Variants in FAM20C observed in about 807,000 individuals in gnomAD.
FAM20C encodes the protein FAM20C golgi associated secretory pathway kinase.
A neutral mutation model predicts 51.5 loss-of-function variants in FAM20C; 40 were observed. The ratio of observed to expected loss-of-function variants is 0.78; its 90% CI spans 0.60 to 1.01. FAM20C has a LOEUF of 1.01. Among genes scored for constraint, FAM20C ranks in the 50% least tolerant of loss-of-function variants. The pLI, the probability that FAM20C is intolerant of heterozygous loss-of-function variation, is 0.00. For synonymous variants in FAM20C, 406 were observed against 380.6 expected (o/e 1.07, Z -0.78); for missense variants, 861 against 844.7 (o/e 1.02, Z -0.24).
intron 3 of FAM20C, among the ~76,000 whole-genome samples, chr7:210,279 A>G (rs569261152): frequency 2.6e-5 from 4 of 151,852 alleles, no homozygotes; most frequent in Non-Finnish European, 5.9e-5. Flanking sequence ...TGGATGTGAA[A>G]CTCAGCCTCC....
intron 5 of FAM20C, among the ~76,000 whole-genome samples, chr7:255,245 C>T (rs1788545665): frequency 6.6e-6 from 1 of 152,186 alleles, no homozygotes. Flanking sequence ...TCCCAGCCGG[C>T]AGCTGCTCTT....
chr7:194,561 T>A lies in FAM20C; in HGVS notation c.605+757T>A, dbSNP rs1583271651. On this transcript the variant is annotated intron_variant, in intron 1 of 9. Transcript: ENST00000313766. The stretch of plus-strand genomic sequence containing the variant: ...AGGGGGAGACCAGCCTTCCAAAAGA[T>A]CTGGTTGAAAGTCCCTTCTTCCCTG... Among the ~76,000 whole-genome samples, 3 of 152,234 alleles carry A rather than the reference T, an allele frequency of 2.0e-5. 1 individual carries two copies. Among genetic ancestry groups the A allele is most frequent in the Admixed American group, 6.5e-5 (1 of 15,292 alleles).
intron 3 of FAM20C, among the ~76,000 whole-genome samples, chr7:214,120 G>A (rs1376343589): frequency 1.3e-5 from 2 of 152,196 alleles, no homozygotes; most frequent in Non-Finnish European, 2.9e-5. Context: ...GAGGTTGGGA[G>A]TTCAAGACCA....
At chr7:228,413 G>A (rs1787525286) in intron 3 of FAM20C, 2 of 455,232 alleles carry the variant, frequency 4.4e-6, no homozygotes, top group Non-Finnish European at 8.8e-6. Context: ...CCTCTGCTGG[G>A]TTGAGGAGAC....
At chr7:194,779 A>C (rs537008474) in intron 1 of FAM20C, among the ~76,000 whole-genome samples, 17,233 of 65,502 alleles carry the variant, frequency 0.26, 1,210 homozygotes, top group South Asian at 0.41. Flanking sequence ...CTAGCCCCCC[A>C]CCCCGCCCCC....
intron 5 of FAM20C, among the ~76,000 whole-genome samples, chr7:249,767 C>A (rs999616691): frequency 3.3e-5 from 5 of 152,170 alleles, no homozygotes. Flanking sequence ...AAGAAACTGG[C>A]ATTTGTGGCT....
intron 2 of FAM20C, among the ~76,000 whole-genome samples, chr7:198,231 C>T (rs1430417231): frequency 1.3e-5 from 2 of 152,190 alleles, no homozygotes; most frequent in Admixed American, 6.5e-5. Flanking sequence ...AGCCGCATCA[C>T]CCAGGCAGGA....
intron 2 of FAM20C, among the ~76,000 whole-genome samples, chr7:196,692 C>T (rs1476554097): frequency 6.6e-6 from 1 of 152,170 alleles, no homozygotes; most frequent in Non-Finnish European, 1.5e-5. Flanking sequence ...GGGTTCTGTC[C>T]AGTTGCTGAC....
At chr7:204,313 A>G (rs1227695145) in intron 2 of FAM20C, among the ~76,000 whole-genome samples, 2 of 152,174 alleles carry the variant, frequency 1.3e-5, no homozygotes, top group Non-Finnish European at 2.9e-5. Flanking sequence ...GGTTCTGTGC[A>G]GTGTTTTGGA....
rs1418257977 is a variant in FAM20C, at chr7:224,090, C to A, written c.863+15114C>A. ...GCACCGTCACAGGGTCGCACGGCGG[C>A]TGTCCCCTGAGCCTTCTCTCACAGA... On this transcript the variant is annotated intron_variant, in intron 3 of 9. Coordinates refer to ENST00000313766, the MANE Select transcript of FAM20C (RefSeq NM_020223.4). 3.4e-5 allele frequency among the ~76,000 whole-genome samples: 5 copies of A among 147,494 alleles called. No individual in the cohort carries two copies. The East Asian group carries it at 1.0e-3, about 30-fold the overall frequency.
intron 5 of FAM20C, among the ~76,000 whole-genome samples, chr7:252,453 G>A (rs1788438101): frequency 6.6e-6 from 1 of 151,284 alleles, no homozygotes; most frequent in African/African-American, 2.4e-5. Flanking sequence ...CACATTGGAG[G>A]GCTGAGCCCA....
intron 6 of FAM20C, 143 bp downstream of exon 6, chr7:256,172 G>A: frequency 9.4e-7 from 1 of 1,067,668 alleles, no homozygotes; most frequent in Non-Finnish European, 1.3e-6. Context: ...TGTGTGAGAT[G>A]ACCGCTTCCT....
chr7:193,459 C>T lies in FAM20C; in HGVS notation c.260C>T (p.Thr87Met). ...AGDAGWPNKH[T>M]LRILQDFSSD... ...GACGCGGGCTGGCCCAACAAGCACA[C>T]GCTCCGCATCCTGCAGGACTTCAGC... Residue 87 changes from threonine to methionine, a missense_variant, in exon 1 of 10, where the codon ACG (threonine) becomes ATG (methionine). Transcript: ENST00000313766. The T allele has an allele frequency of 1.4e-6, 2 of 1,474,296 alleles. No homozygotes were observed. The highest frequency in any genetic ancestry group is 1.5e-5 in the African/African-American group (1 of 68,014). 91.3% of individuals were successfully genotyped at this position (1,474,296 alleles called of 1,614,324 possible). A position where few individuals can be genotyped will look rare whatever the true frequency, so the allele number is the denominator to read the frequency against.
At chr7:235,820 C>A (rs976596283) in intron 3 of FAM20C, among the ~76,000 whole-genome samples, 1 of 152,242 alleles carries the variant, frequency 6.6e-6, no homozygotes, top group Non-Finnish European at 1.5e-5. Flanking sequence ...CTGGTGAGGA[C>A]TGTGACTTCT....
intron 3 of FAM20C, among the ~76,000 whole-genome samples, chr7:237,323 G>C (rs1027810244): frequency 6.6e-6 from 1 of 152,218 alleles, no homozygotes; most frequent in Non-Finnish European, 1.5e-5. Context: ...AGGGACAAAG[G>C]CCGAATCATC....
At chr7:258,161 C>T (rs878956907) in intron 8 of FAM20C, among the ~76,000 whole-genome samples, 6,313 of 36,174 alleles carry the variant, frequency 0.17, 1,489 homozygotes, top group Middle Eastern at 0.36. Context: ...TGGAGATAGG[C>T]AGGGTGGACC....
chr7:211,136 C>T (rs1031590824), intron 3 of FAM20C, among the ~76,000 whole-genome samples: 3 of 124,582 alleles, frequency 2.4e-5, no homozygotes, highest in Non-Finnish European at 3.7e-5. Flanking sequence ...CCTCCTCCCC[C>T]GTCAGCCTCC....
At chr7:216,515 G>A (rs148463803) in intron 3 of FAM20C, among the ~76,000 whole-genome samples, 5 of 152,006 alleles carry the variant, frequency 3.3e-5, no homozygotes, top group Non-Finnish European at 7.4e-5. Context: ...CTGAGGAAAG[G>A]CCAGCTGGGA....
Position 256,716 on chromosome 7 carries a change from A to G in FAM20C, c.1316A>G (p.His439Arg). The G allele has an allele frequency of 5.9e-6, 9 of 1,536,188 alleles. No individual in the cohort carries two copies. Among genetic ancestry groups the G allele is most frequent in the South Asian group, 1.2e-5 (1 of 84,062 alleles). ...VKQTPPYDSS[H>R]RILDVMDMTI... Reference sequence around the variant, plus strand: ...CAGACACCGCCCTACGACAGCAGCCACCGCATCCTGGACGTCATGGACATG... The same window carrying G: ...CAGACACCGCCCTACGACAGCAGCCGCCGCATCCTGGACGTCATGGACATG... Residue 439 changes from histidine (H) to arginine (R), a missense_variant, in exon 7 of 10, where the codon CAC (histidine) becomes CGC (arginine). Coordinates refer to ENST00000313766, the MANE Select transcript of FAM20C (RefSeq NM_020223.4).
Sources: allele counts gnomAD v4.1 joint callset (sites outside exome capture counted in the v4.1 genomes callset), GRCh38; gene constraint gnomAD v4.1.1; transcripts MANE v1.5; gene names NCBI Gene and HGNC (gene_info 2026-07-23, HGNC 2026-07-21).